MAD2L1: variants seen among roughly 807,000 people sequenced by gnomAD.
MAD2L1 encodes mitotic arrest deficient 2 like 1, also known as mitotic spindle assembly checkpoint protein MAD2A.
In MAD2L1, 10 loss-of-function variants were observed where a neutral mutation model predicts 25.9. The ratio of observed to expected loss-of-function variants is 0.39; its 90% CI spans 0.24 to 0.66. The LOEUF (loss-of-function observed/expected upper bound fraction) is 0.66. Among genes scored for constraint, MAD2L1 ranks in the 30% least tolerant of loss-of-function variants. The pLI is 0.49. For missense variants in MAD2L1, 180 were observed against 246.4 expected, an observed-to-expected ratio of 0.73 and a Z score of 1.80; for synonymous variants, 81 against 91.8, an observed-to-expected ratio of 0.88 and a Z score of 0.67.
Position 120,059,983 on chromosome 4 carries a change from A to C in MAD2L1, c.*135T>G, listed in dbSNP as rs535968010. The C allele has an allele frequency of 4.6e-5, 30 of 658,518 alleles. No homozygotes were observed. Among genetic ancestry groups the C allele is most frequent in the African/African-American group, 4.0e-4 (22 of 55,436 alleles). 40.8% of individuals were successfully genotyped at this position (658,518 alleles called of 1,614,324 possible). On this transcript the variant is annotated 3_prime_UTR_variant, in exon 5 of 5. Coordinates refer to ENST00000296509, the MANE Select transcript of MAD2L1 (RefSeq NM_002358.4). ...AAAAATAAAAGGAACAATTACACAC[A>C]GTTCAGTAAGTATCATTTTGGTTTT...
At chr4:120,061,842 C>T in intron 3 of MAD2L1, 133 bp downstream of exon 3, 1 of 684,410 alleles carries the variant, frequency 1.5e-6, no homozygotes, top group Non-Finnish European at 2.3e-6. Context: ...CTGAGGATAT[C>T]TTAGAAAATA....
rs1349916182 is a variant in MAD2L1, at chr4:120,059,499, A to G, written c.*619T>C. ...AACTTGATTTTATAAAACACATGAA[A>G]AAACATTTTTAAGAGTTCTGTATCA... On this transcript the variant is annotated 3_prime_UTR_variant, in exon 5 of 5. Coordinates refer to ENST00000296509, the MANE Select transcript of MAD2L1 (RefSeq NM_002358.4). The G allele has an allele frequency of 6.6e-6, 1 of 152,218 alleles. No homozygotes were observed. The highest frequency in any genetic ancestry group is 1.5e-5 in the Non-Finnish European group (1 of 68,022). 9.4% of individuals were successfully genotyped at this position (152,218 alleles called of 1,614,324 possible). A position where few individuals can be genotyped will look rare whatever the true frequency, so the allele number is the denominator to read the frequency against.
intron 2 of MAD2L1, among the ~76,000 whole-genome samples, chr4:120,064,254 T>C (rs1726276157): frequency 1.3e-5 from 2 of 152,108 alleles, no homozygotes; most frequent in Admixed American, 6.5e-5. Flanking sequence ...CTATAGATGA[T>C]TTATTCCTGA....
At position 120,062,293 on chromosome 4, in the gene MAD2L1, T is replaced by C. The variant is rs937980392; in HGVS notation, c.221-198A>G. On this transcript the variant is annotated intron_variant, in intron 2 of 4. Coordinates refer to ENST00000296509, the MANE Select transcript of MAD2L1 (RefSeq NM_002358.4). ...TCAGTATCTGTATCAGGTACAGTAA[T>C]TGGTGCTGAGGACAGAATACTGAAC... 1.7e-4 allele frequency among the ~76,000 whole-genome samples: 26 copies of C among 152,306 alleles called. No homozygotes were observed. The South Asian group carries it at 4.1e-3, about 24-fold the overall frequency.
At position 120,057,046 on chromosome 4, in the gene MAD2L1, T is replaced by C. The variant is rs1726122941; in HGVS notation, c.*3072A>G. The stretch of plus-strand genomic sequence containing the variant: ...GACCAAAAGAGCAAACTGTGATCTG[T>C]TACAGGACTGGTAAGCTACAACCCT... On this transcript the variant is annotated 3_prime_UTR_variant, in exon 5 of 5. Transcript: ENST00000296509. 2 of 152,344 alleles carry C rather than the reference T, an allele frequency of 1.3e-5. No homozygotes were observed. Among genetic ancestry groups the C allele is most frequent in the Middle Eastern group, 3.4e-3 (1 of 296 alleles). The allele number at this position is 152,344 out of a possible 1,614,324, so 9.4% of individuals were successfully genotyped here. A position where few individuals can be genotyped will look rare whatever the true frequency, so the allele number is the denominator to read the frequency against.
intron 2 of MAD2L1, 137 bp downstream of exon 2, chr4:120,065,531 CCATT>C (rs1439962494): frequency 1.5e-6 from 1 of 679,572 alleles, no homozygotes; most frequent in Non-Finnish European, 2.4e-6. Context: ...TGTATTTCTT[CCATT>C]TTATATATTA....
intron 1 of MAD2L1, among the ~76,000 whole-genome samples, chr4:120,066,079 A>G (rs1726310533): frequency 6.6e-6 from 1 of 151,902 alleles, no homozygotes; most frequent in Non-Finnish European, 1.5e-5. Flanking sequence ...GCCAAATTTC[A>G]CCTCATTGTA....
At chr4:120,063,873 G>A (rs920095918) in intron 2 of MAD2L1, among the ~76,000 whole-genome samples, 21 of 152,066 alleles carry the variant, frequency 1.4e-4, no homozygotes, top group Admixed American at 7.9e-4. Context: ...AGCCAGGCAC[G>A]GTGGCAGGCG....
intron 1 of MAD2L1, 86 bp downstream of exon 1, chr4:120,066,576 T>G: frequency 8.1e-7 from 1 of 1,239,490 alleles, no homozygotes; most frequent in Non-Finnish European, 1.2e-6. Flanking sequence ...CCAGATTACT[T>G]CTCTGGTATC....
intron 2 of MAD2L1, among the ~76,000 whole-genome samples, chr4:120,063,809 A>C (rs1261155214): frequency 1.3e-5 from 2 of 152,158 alleles, no homozygotes; most frequent in African/African-American, 4.8e-5. Context: ...CAGGAGTTCG[A>C]CACCAGCCTG....
At position 120,066,810 on chromosome 4, in the gene MAD2L1, G is replaced by C. The variant is rs932185687; in HGVS notation, c.-76C>G. On this transcript the variant is annotated 5_prime_UTR_variant, in exon 1 of 5. Transcript: ENST00000296509. ...ACAGCGGCTCCAACAGCACTTCCCC[G>C]CCAAGCGTTTCAAAAGTAACGACGC... 2 of 1,105,542 alleles carry C rather than the reference G, an allele frequency of 1.8e-6. No homozygotes were observed. The highest frequency in any genetic ancestry group is 2.7e-6 in the Non-Finnish European group (2 of 741,616). 68.5% of individuals were successfully genotyped at this position (1,105,542 alleles called of 1,614,324 possible).
At chr4:120,064,101 C>T (rs555731782) in intron 2 of MAD2L1, among the ~76,000 whole-genome samples, 49 of 152,298 alleles carry the variant, frequency 3.2e-4, no homozygotes, top group Non-Finnish European at 5.9e-4. Context: ...GGTGAAATGT[C>T]ATTAACGCAG....
chr4:120,059,771 A>G lies in MAD2L1; in HGVS notation c.*347T>C, dbSNP rs375160196. 6 of 169,442 alleles carry G rather than the reference A, an allele frequency of 3.5e-5. No individual in the cohort carries two copies. Among genetic ancestry groups the G allele is most frequent in the South Asian group, 1.8e-4 (1 of 5,562 alleles). The allele number at this position is 169,442 out of a possible 1,614,324, so 10.5% of individuals were successfully genotyped here. On this transcript the variant is annotated 3_prime_UTR_variant, in exon 5 of 5. Coordinates refer to ENST00000296509, the MANE Select transcript of MAD2L1 (RefSeq NM_002358.4). ...AATATCTCCCTACCTATACTGAGTCAAACTACTTGACCAAAACATCTGATT... is the reference window on the plus strand; with the variant it reads ...AATATCTCCCTACCTATACTGAGTCGAACTACTTGACCAAAACATCTGATT...
At position 120,066,714 on chromosome 4, in the gene MAD2L1, C is replaced by T. The variant is rs758702337; in HGVS notation, c.21G>A (p.Arg7=). ...TCCCGCGCAGGGTGATTCCCTGCTC[C>T]CGGGAGAGCTGCAGCGCCATGGCCA... MALQLS[R]EQGITLRGSA... is the part of the protein sequence containing the mutation. Residue 7 remains arginine (R), a synonymous_variant, in exon 1 of 5, where the codon CGG becomes CGA. Transcript: ENST00000296509. 8 of 1,602,478 alleles carry T rather than the reference C, an allele frequency of 5.0e-6. No individual in the cohort carries two copies. In the Admixed American group the frequency reaches 8.5e-5, roughly 17 times the overall value.
At chr4:120,063,513 G>A (rs1726259776) in intron 2 of MAD2L1, among the ~76,000 whole-genome samples, 1 of 152,186 alleles carries the variant, frequency 6.6e-6, no homozygotes, top group South Asian at 2.1e-4. Flanking sequence ...TGTGGGCCTT[G>A]TGATCCCTGG....
chr4:120,066,033 C>CAA (rs60113810), intron 1 of MAD2L1, among the ~76,000 whole-genome samples: 47 of 149,006 alleles, frequency 3.2e-4, no homozygotes, highest in Non-Finnish European at 4.6e-4. Flanking sequence ...TTTCACGTGG[C>CAA]AAAAAAAAAA....
rs1043632397 is a variant in MAD2L1 at position 120,055,852 on chromosome 4, T to C, written c.*4266A>G. On this transcript the variant is annotated 3_prime_UTR_variant, in exon 5 of 5. Transcript: ENST00000296509. ...CTCTGTAGACAATATAGATTAGGCA[T>C]AGGATAAAATCCTCTGTATTTGGTT... The C allele has an allele frequency of 2.0e-5, 3 of 152,224 alleles. No homozygotes were observed. The highest frequency in any genetic ancestry group is 1.9e-4 in the East Asian group (1 of 5,194). The allele number at this position is 152,224 out of a possible 1,614,324, so 9.4% of individuals were successfully genotyped here. A position where few individuals can be genotyped will look rare whatever the true frequency, so the allele number is the denominator to read the frequency against.
chr4:120,059,963 T>C lies in MAD2L1; in HGVS notation c.*155A>G, dbSNP rs1036766852. On this transcript the variant is annotated 3_prime_UTR_variant, in exon 5 of 5. Coordinates refer to ENST00000296509, the MANE Select transcript of MAD2L1 (RefSeq NM_002358.4). Reference sequence around the variant, plus strand: ...GTAAGTCAAATAGGTACCAAAAAAATAAAAGGAACAATTACACACAGTTCA... The same window carrying C: ...GTAAGTCAAATAGGTACCAAAAAAACAAAAGGAACAATTACACACAGTTCA... 2.3e-5 allele frequency: 13 copies of C among 553,724 alleles called. No homozygotes were observed. Among genetic ancestry groups the C allele is most frequent in the Non-Finnish European group, 3.9e-5 (13 of 331,134 alleles). The allele number at this position is 553,724 out of a possible 1,614,324, so 34.3% of individuals were successfully genotyped here. A position where few individuals can be genotyped will look rare whatever the true frequency, so the allele number is the denominator to read the frequency against.
At position 120,057,138 on chromosome 4, in the gene MAD2L1, T is replaced by C. The variant is rs533904126; in HGVS notation, c.*2980A>G. On this transcript the variant is annotated 3_prime_UTR_variant, in exon 5 of 5. Transcript: ENST00000296509. ...CACTCACGCTCATTCATTTATGTAT[T>C]GTCTATAGCTGCTTTCAGCCTCGAG... The C allele has an allele frequency of 2.2e-4, 34 of 152,328 alleles. No individual in the cohort carries two copies. The highest frequency in any genetic ancestry group is 7.7e-4 in the African/African-American group (32 of 41,580). The allele number at this position is 152,328 out of a possible 1,614,324, so 9.4% of individuals were successfully genotyped here.
Sources: allele counts gnomAD v4.1 joint callset (sites outside exome capture counted in the v4.1 genomes callset), GRCh38; gene constraint gnomAD v4.1.1; transcripts MANE v1.5; gene names NCBI Gene and HGNC (gene_info 2026-07-23, HGNC 2026-07-21).